The following RBFOX1 variants were observed in gnomAD, a reference collection of about 807,000 sequenced individuals.
The protein encoded by RBFOX1 is RNA binding protein fox-1 homolog 1.
RBFOX1 carries 8 observed loss-of-function variants against 57.7 expected under a neutral mutation model. The ratio of observed to expected loss-of-function variants is 0.14; its 90% CI spans 0.08 to 0.25. RBFOX1 has a LOEUF of 0.25. Among genes scored for constraint, RBFOX1 ranks in the 10% least tolerant of loss-of-function variants. The pLI, the probability that RBFOX1 is intolerant of heterozygous loss-of-function variation, is 1.00. For missense variants in RBFOX1, 611 were observed against 548.5 expected, an observed-to-expected ratio of 1.11 and a Z score of -1.14; for synonymous variants, 326 against 222.4, an observed-to-expected ratio of 1.47 and a Z score of -4.15.
chr16:5,825,741 T>TTATTCCTTAATATGAATAAGGAATAA (rs1567591809), intron 3 of RBFOX1, among the ~76,000 whole-genome samples: 29 of 146,750 alleles, frequency 2.0e-4, no homozygotes, highest in Admixed American at 2.7e-4. Flanking sequence ...CCTTCCCTTA[T>TTATTCCTTAATATGAATAAGGAATAA]TATTCCTTAA....
At position 6,543,134 on chromosome 16, in the gene RBFOX1, C is replaced by G. The variant is rs2096847039; in HGVS notation, c.-63-111469C>G. ...TTTAGCAGATAAGGAGAGTTACACTCAAAATGTGGCACATTTGTACCCCAT... is the reference window on the plus strand; with the variant it reads ...TTTAGCAGATAAGGAGAGTTACACTGAAAATGTGGCACATTTGTACCCCAT... On this transcript the variant is annotated intron_variant, in intron 2 of 15. Coordinates refer to ENST00000550418, the MANE Select transcript of RBFOX1 (RefSeq NM_018723.4). Among the ~76,000 whole-genome samples, 3 of 152,164 alleles carry G rather than the reference C, an allele frequency of 2.0e-5. No individual in the cohort carries two copies. The South Asian group carries it at 6.2e-4, about 32-fold the overall frequency.
chr16:7,465,610 A>C (rs183571037), intron 4 of RBFOX1, among the ~76,000 whole-genome samples: 5 of 152,298 alleles, frequency 3.3e-5, no homozygotes, highest in Admixed American at 3.3e-4. Context: ...CTAGCTTCCA[A>C]GATTTGTCAG....
chr16:6,219,802 G>T (rs1010872618), intron 1 of RBFOX1, among the ~76,000 whole-genome samples: 52 of 152,170 alleles, frequency 3.4e-4, no homozygotes, highest in African/African-American at 1.2e-3. Flanking sequence ...CTTGAACCCA[G>T]AAGGCGGAGG....
intron 1 of RBFOX1, among the ~76,000 whole-genome samples, chr16:6,122,207 T>A (rs1012091355): frequency 5.9e-5 from 9 of 152,120 alleles, no homozygotes; most frequent in African/African-American, 2.2e-4. Flanking sequence ...TGCCTGGCCC[T>A]TTTTGTTATT....
chr16:6,591,898 G>C (rs973039727), intron 2 of RBFOX1, among the ~76,000 whole-genome samples: 1 of 152,176 alleles, frequency 6.6e-6, no homozygotes, highest in Non-Finnish European at 1.5e-5. Flanking sequence ...CATTTGCTTT[G>C]TGAACTGGAA....
At chr16:7,369,615 G>T (rs1027845509) in intron 4 of RBFOX1, among the ~76,000 whole-genome samples, 9 of 152,008 alleles carry the variant, frequency 5.9e-5, no homozygotes, top group African/African-American at 2.2e-4. Flanking sequence ...CAATACTTTT[G>T]TCTGGAGTCA....
chr16:5,903,072 A>C (rs1434686209), intron 4 of RBFOX1, among the ~76,000 whole-genome samples: 1 of 151,874 alleles, frequency 6.6e-6, no homozygotes, highest in African/African-American at 2.4e-5. Flanking sequence ...GAGCCGACTT[A>C]CTGTTTGTAT....
chr16:5,248,432 G>C (rs2062358368), intron 1 of RBFOX1, among the ~76,000 whole-genome samples: 1 of 152,218 alleles, frequency 6.6e-6, no homozygotes, highest in African/African-American at 2.4e-5. Flanking sequence ...TGAGAGCCCT[G>C]TATTCTGGGG....
chr16:7,105,216 G>T (rs1249549224), intron 4 of RBFOX1, among the ~76,000 whole-genome samples: 4 of 151,670 alleles, frequency 2.6e-5, no homozygotes, highest in African/African-American at 9.7e-5. Flanking sequence ...TATGGAGATT[G>T]GCCAGGTCTG....
rs113712282 is a variant in RBFOX1, at chr16:5,370,658, A to AT, written c.220-96548dup. On this transcript the variant is annotated intron_variant, in intron 1 of 2. Transcript: ENST00000585867. ...CAGGCACGTGCTACCACACTCAGCT[A>AT]TTTTTTTTTTATGTTTTGTAGAGAC... Among the ~76,000 whole-genome samples, 748 of 148,270 alleles carry AT rather than the reference A, an allele frequency of 5.0e-3. 3 individuals carry two copies. The highest frequency in any genetic ancestry group is 0.012 in the African/African-American group (473 of 40,504).
At chr16:6,562,335 T>C (rs949131415) in intron 2 of RBFOX1, among the ~76,000 whole-genome samples, 2 of 152,242 alleles carry the variant, frequency 1.3e-5, no homozygotes, top group African/African-American at 2.4e-5. Context: ...GCAACACTAG[T>C]ATTCACTTTA....
intron 2 of RBFOX1, among the ~76,000 whole-genome samples, chr16:5,596,817 C>G (rs1409444175): frequency 2.0e-5 from 3 of 152,214 alleles, no homozygotes; most frequent in Non-Finnish European, 4.4e-5. Flanking sequence ...TCCTCCTCCC[C>G]CTTCTCTCCC....
At chr16:6,377,215 A>C (rs990278576) in intron 2 of RBFOX1, among the ~76,000 whole-genome samples, 9 of 150,190 alleles carry the variant, frequency 6.0e-5, no homozygotes, top group African/African-American at 2.2e-4. Context: ...TGGAGGTTGC[A>C]GTGAGCCAAG....
At chr16:6,613,479 A>G (rs761723393) in intron 2 of RBFOX1, among the ~76,000 whole-genome samples, 1 of 152,106 alleles carries the variant, frequency 6.6e-6, no homozygotes, top group Admixed American at 6.6e-5. Context: ...TCCAACCCTT[A>G]AACAGTTAAG....
At chr16:6,806,303 T>G (rs1040041313) in intron 3 of RBFOX1, among the ~76,000 whole-genome samples, 18 of 152,168 alleles carry the variant, frequency 1.2e-4, no homozygotes, top group African/African-American at 4.3e-4. Context: ...TGTAGTAACC[T>G]GATAATGTTG....
At chr16:5,979,405 C>T (rs1027725523) in intron 4 of RBFOX1, among the ~76,000 whole-genome samples, 8 of 152,170 alleles carry the variant, frequency 5.3e-5, no homozygotes, top group Admixed American at 2.6e-4. Context: ...TTCTTTTTAT[C>T]TCAAGAGAGG....
At chr16:5,968,946 G>C (rs1015923495) in intron 4 of RBFOX1, among the ~76,000 whole-genome samples, 1 of 151,880 alleles carries the variant, frequency 6.6e-6, no homozygotes. Context: ...TTTGCTGAGA[G>C]GACTATTTAT....
intron 3 of RBFOX1, among the ~76,000 whole-genome samples, chr16:6,858,564 A>G (rs1322464613): frequency 6.6e-6 from 1 of 152,192 alleles, no homozygotes; most frequent in Non-Finnish European, 1.5e-5. Context: ...TTACAGCTCA[A>G]TTAAAATAGC....
At chr16:7,323,368 G>C (rs923247490) in intron 4 of RBFOX1, among the ~76,000 whole-genome samples, 1 of 152,190 alleles carries the variant, frequency 6.6e-6, no homozygotes, top group African/African-American at 2.4e-5. Flanking sequence ...AGGCTGCAGT[G>C]AGCTATGATC....
Sources: gnomAD v4.1 joint callset for allele counts (sites outside exome capture counted in the v4.1 genomes callset) on GRCh38, gnomAD v4.1.1 for gene constraint, MANE v1.5 for transcripts, NCBI Gene and HGNC (gene_info 2026-07-23, HGNC 2026-07-21) for gene names.